ACADSB: variants seen among roughly 807,000 people sequenced by gnomAD.
ACADSB encodes short/branched chain specific acyl-CoA dehydrogenase, mitochondrial.
Under a neutral mutation model 54.1 loss-of-function variants are expected in ACADSB, and 40 were observed. The ratio of observed to expected loss-of-function variants is 0.74; its 90% CI spans 0.57 to 0.96. The LOEUF (loss-of-function observed/expected upper bound fraction) is 0.96. Among genes scored for constraint, ACADSB ranks in the 40% least tolerant of loss-of-function variants. The pLI, the probability that ACADSB is intolerant of heterozygous loss-of-function variation, is 0.00. For missense variants in ACADSB, 530 were observed against 510.4 expected, an observed-to-expected ratio of 1.04 and a Z score of -0.37; for synonymous variants, 182 against 182.8, an observed-to-expected ratio of 1.00 and a Z score of 0.03.
intron 1 of ACADSB, among the ~76,000 whole-genome samples, chr10:123,010,205 C>T (rs968171300): frequency 3.3e-5 from 5 of 152,220 alleles, no homozygotes; most frequent in African/African-American, 4.8e-5. Context: ...GGCACGTTCT[C>T]GTTCTACCTG....
chr10:123,012,817 A>G (rs2133452729), intron 1 of ACADSB, among the ~76,000 whole-genome samples: 1 of 152,310 alleles, frequency 6.6e-6, no homozygotes, highest in South Asian at 2.1e-4. Flanking sequence ...CAAAGCTTCC[A>G]CAGTGTGGAA....
intron 1 of ACADSB, among the ~76,000 whole-genome samples, chr10:123,024,358 A>T (rs1386267679): frequency 2.0e-5 from 3 of 152,200 alleles, no homozygotes; most frequent in Non-Finnish European, 4.4e-5. Flanking sequence ...AAGAGTCCTT[A>T]CCTCTTCCAG....
intron 7 of ACADSB, among the ~76,000 whole-genome samples, chr10:123,045,169 ATAT>A (rs1410506555): frequency 1.8e-4 from 2 of 10,840 alleles, no homozygotes; most frequent in Non-Finnish European, 3.0e-4. Flanking sequence ...ATATATATAT[ATAT>A]TTTTTTTTTT....
intron 7 of ACADSB, among the ~76,000 whole-genome samples, chr10:123,045,147 ATATATATATATATATATATATATATTT>A (rs1416621164): frequency 7.2e-4 from 7 of 9,744 alleles, no homozygotes; most frequent in South Asian, 5.6e-3. Context: ...ATATATATAT[ATATATATATATATATATATATATATTT>A]TTTTTTTTTT....
At chr10:123,049,078 A>G (rs1030427020) in intron 8 of ACADSB, among the ~76,000 whole-genome samples, 3 of 152,212 alleles carry the variant, frequency 2.0e-5, no homozygotes, top group African/African-American at 7.2e-5. Flanking sequence ...GAAGTACATG[A>G]GATGTTTTGA....
At chr10:123,024,143 C>G (rs1850218368) in intron 1 of ACADSB, among the ~76,000 whole-genome samples, 1 of 152,246 alleles carries the variant, frequency 6.6e-6, no homozygotes, top group Non-Finnish European at 1.5e-5. Flanking sequence ...TCCCATGCTT[C>G]CCATTCCACT....
At chr10:123,031,765 C>A (rs1850330292) in intron 1 of ACADSB, among the ~76,000 whole-genome samples, 1 of 152,178 alleles carries the variant, frequency 6.6e-6, no homozygotes, top group Non-Finnish European at 1.5e-5. Context: ...TAATTTTACC[C>A]TGTGATCCTA....
intron 5 of ACADSB, among the ~76,000 whole-genome samples, chr10:123,042,305 T>G (rs527942052): frequency 4.1e-4 from 63 of 152,158 alleles, no homozygotes; most frequent in South Asian, 2.7e-3. Flanking sequence ...TTCTGTTTAG[T>G]AATGAAGAAT....
At chr10:123,017,374 A>T (rs1051481383) in intron 1 of ACADSB, among the ~76,000 whole-genome samples, 9 of 152,104 alleles carry the variant, frequency 5.9e-5, no homozygotes, top group Non-Finnish European at 1.0e-4. Flanking sequence ...GCTGGAGTGC[A>T]ATGCGTGATC....
intron 9 of ACADSB, among the ~76,000 whole-genome samples, chr10:123,051,465 G>A (rs1850632254): frequency 1.3e-5 from 2 of 152,078 alleles, no homozygotes; most frequent in Non-Finnish European, 2.9e-5. Context: ...TCAGTTCTGT[G>A]AGGTCTCCAT....
At chr10:123,033,892 GCT>G (rs1448690489) in intron 1 of ACADSB, among the ~76,000 whole-genome samples, 1 of 152,200 alleles carries the variant, frequency 6.6e-6, no homozygotes, top group Non-Finnish European at 1.5e-5. Flanking sequence ...AGCTGCCTGG[GCT>G]CTCTCAGCAC....
At chr10:123,053,547 C>A in intron 10 of ACADSB, 148 bp from the exon 11 acceptor site, 1 of 755,862 alleles carries the variant, frequency 1.3e-6, no homozygotes. Context: ...GTCAAAATTA[C>A]TGTGAAATAG....
chr10:123,041,966 CT>C lies in ACADSB; in HGVS notation c.681+604del, dbSNP rs373340179. On this transcript the variant is annotated intron_variant, in intron 5 of 10. Coordinates refer to ENST00000358776, the MANE Select transcript of ACADSB (RefSeq NM_001609.4). The stretch of plus-strand genomic sequence containing the variant: ...GTAGGAAGCTAATCTTTTTTCTTTT[CT>C]TTTTTTTTTTTTTTTTAATATGGAG... Among the ~76,000 whole-genome samples, 344 of 132,670 alleles carry C rather than the reference CT, an allele frequency of 2.6e-3. 1 individual carries two copies. The highest frequency in any genetic ancestry group is 6.0e-3 in the African/African-American group (212 of 35,428). The allele number at this position is 132,670 out of a possible 152,430, so 87.0% of individuals were successfully genotyped here.
intron 1 of ACADSB, among the ~76,000 whole-genome samples, chr10:123,014,875 T>A (rs1489360136): frequency 6.6e-6 from 1 of 152,170 alleles, no homozygotes; most frequent in Admixed American, 6.5e-5. Context: ...CTCAGCTTGT[T>A]TAAGAAATAA....
At chr10:123,022,609 C>T (rs2133462088) in intron 1 of ACADSB, among the ~76,000 whole-genome samples, 1 of 152,252 alleles carries the variant, frequency 6.6e-6, no homozygotes, top group South Asian at 2.1e-4. Flanking sequence ...TTCTGAATTA[C>T]ACAAAATTAT....
intron 1 of ACADSB, among the ~76,000 whole-genome samples, chr10:123,020,703 A>G (rs1035450866): frequency 1.3e-5 from 2 of 152,242 alleles, no homozygotes; most frequent in Admixed American, 1.3e-4. Flanking sequence ...AATGTATGAG[A>G]GATCCATTTG....
At chr10:123,027,700 C>T (rs1168311417) in intron 1 of ACADSB, 2 of 334,434 alleles carry the variant, frequency 6.0e-6, no homozygotes, top group Non-Finnish European at 1.2e-5. Context: ...TGTTCCCATA[C>T]AACGGGTGTG....
At chr10:123,045,171 ATTTTTTTT>A (rs1181095508) in intron 7 of ACADSB, among the ~76,000 whole-genome samples, 1 of 15,374 alleles carries the variant, frequency 6.5e-5, no homozygotes, top group African/African-American at 2.9e-4. Flanking sequence ...ATATATATAT[ATTTTTTTT>A]TTTTTTTTTT....
chr10:123,034,284 T>A (rs1195930092), intron 1 of ACADSB, 72 bp from the exon 2 acceptor site: 21 of 1,489,762 alleles, frequency 1.4e-5, no homozygotes, highest in Non-Finnish European at 2.0e-5. Flanking sequence ...AATATAAGAA[T>A]GGGTTATAAA....
Sources: allele counts gnomAD v4.1 joint callset (sites outside exome capture counted in the v4.1 genomes callset), GRCh38; gene constraint gnomAD v4.1.1; transcripts MANE v1.5; gene names NCBI Gene and HGNC (gene_info 2026-07-23, HGNC 2026-07-21).